Variants in LYRM4 observed in about 807,000 individuals in gnomAD.
LYRM4 encodes the protein LYR motif-containing protein 4.
In LYRM4, 9 loss-of-function variants were observed where a neutral mutation model predicts 11.7. The ratio of observed to expected loss-of-function variants is 0.77; its 90% CI spans 0.46 to 1.34. The LOEUF (loss-of-function observed/expected upper bound fraction) is 1.34. Ranked by LOEUF, LYRM4 falls within the 40% of genes most tolerant of loss-of-function variation. LYRM4 has a pLI of 0.00. For synonymous variants in LYRM4, 42 were observed against 40.4 expected (o/e 1.04, Z -0.15); for missense variants, 133 against 112.5 (o/e 1.18, Z -0.82).
In LYRM4 at chr6:5,245,092, A is replaced by T. The variant is rs1234011259; in HGVS notation, c.86+15556T>A. Among the ~76,000 whole-genome samples, 71 of 19,398 alleles carry T rather than the reference A, an allele frequency of 3.7e-3. 8 individuals are homozygous for T. Among genetic ancestry groups the T allele is most frequent in the African/African-American group, 0.013 (48 of 3,744 alleles). 12.7% of individuals were successfully genotyped at this position (19,398 alleles called of 152,430 possible). ...GACTTTATTTGCAGGAAGACCTTAA[A>T]AAAAAAAAAAAAAAAAAAAAAATAT... On this transcript the variant is annotated intron_variant, in intron 1 of 2. Coordinates refer to ENST00000330636, the MANE Select transcript of LYRM4 (RefSeq NM_020408.6).
chr6:5,057,713 TAA>T, the LYRM4 span, among the ~76,000 whole-genome samples: 1 of 128,624 alleles, frequency 7.8e-6, no homozygotes. Context: ...AGACTCCATC[TAA>T]AAAAAAAAAG....
chr6:5,079,526 C>T, the LYRM4 span, among the ~76,000 whole-genome samples: 1 of 152,236 alleles, frequency 6.6e-6, no homozygotes, highest in African/African-American at 2.4e-5. Context: ...TGTTCTGATC[C>T]CCTTCAATTC....
the LYRM4 span, among the ~76,000 whole-genome samples, chr6:5,052,617 G>A: frequency 6.6e-6 from 1 of 152,138 alleles, no homozygotes; most frequent in Non-Finnish European, 1.5e-5. Context: ...ACTTCAGGAA[G>A]GTAGTTTTAA....
At chr6:5,247,095 G>C (rs920124334) in intron 1 of LYRM4, among the ~76,000 whole-genome samples, 1 of 152,202 alleles carries the variant, frequency 6.6e-6, no homozygotes, top group African/African-American at 2.4e-5. Flanking sequence ...AGCGGGCAGA[G>C]CTTGTGAGCA....
At chr6:5,082,654 T>C in the LYRM4 span, among the ~76,000 whole-genome samples, 2 of 152,254 alleles carry the variant, frequency 1.3e-5, no homozygotes, top group Admixed American at 1.3e-4. Context: ...ACATTGTTTC[T>C]GTCCCCAGTA....
At chr6:5,151,781 G>C (rs1036055288) in intron 2 of LYRM4, among the ~76,000 whole-genome samples, 1 of 152,182 alleles carries the variant, frequency 6.6e-6, no homozygotes, top group East Asian at 1.9e-4. Flanking sequence ...CACCTCACCG[G>C]ATTACTGTCA....
At chr6:5,084,086 A>AT in the LYRM4 span, among the ~76,000 whole-genome samples, 4 of 152,198 alleles carry the variant, frequency 2.6e-5, no homozygotes, top group African/African-American at 7.2e-5. Context: ...CCTGGGCAGC[A>AT]TAGCAAGACC....
At chr6:5,066,794 C>A in the LYRM4 span, 1 of 738,598 alleles carries the variant, frequency 1.4e-6, no homozygotes, top group Non-Finnish European at 2.4e-6. Context: ...AGTTTAACAC[C>A]CTCCTTGGTG....
intron 2 of LYRM4, among the ~76,000 whole-genome samples, chr6:5,167,788 C>G (rs1437866672): frequency 6.6e-6 from 1 of 152,066 alleles, no homozygotes; most frequent in African/African-American, 2.4e-5. Context: ...TAGAGAAATA[C>G]ATTGCATTTT....
chr6:5,108,491 T>G lies in LYRM4; in HGVS notation c.*932A>C, dbSNP rs963351759. On this transcript the variant is annotated 3_prime_UTR_variant, in exon 3 of 3. Transcript: ENST00000330636. ...GCAGGGGTCCCCAGTTGGTTAAACA[T>G]TGAAAACAGTGGGAGAGCTTCAGAA... 14 of 871,676 alleles carry G rather than the reference T, an allele frequency of 1.6e-5. No homozygotes were observed. The South Asian group carries it at 7.4e-4, about 46-fold the overall frequency. The allele number at this position is 871,676 out of a possible 1,614,324, so 54.0% of individuals were successfully genotyped here. A position where few individuals can be genotyped will look rare whatever the true frequency, so the allele number is the denominator to read the frequency against.
chr6:5,155,339 C>A (rs1201536220), intron 2 of LYRM4, among the ~76,000 whole-genome samples: 1 of 152,140 alleles, frequency 6.6e-6, no homozygotes, highest in Non-Finnish European at 1.5e-5. Context: ...CCTTGGCCTC[C>A]CATTGTGGTG....
At position 5,260,650 on chromosome 6, in the gene LYRM4, G is replaced by A. The variant is rs1187176419; in HGVS notation, c.84C>T (p.Tyr28=). The change falls in exon 1 of 3, where the codon TAC becomes TAT. Residue 28 remains tyrosine, a splice_region_variant and synonymous_variant. Transcript: ENST00000330636. ...RESKRFSAYN[Y]RTYAVRRIRD... ...GCCCCCGGTGCCCGCTGGGTCACCT[G>A]TAATTGTAGGCGCTGAAACGCTTGC... 1 of 1,534,424 alleles carries A rather than the reference G, an allele frequency of 6.5e-7. No homozygotes were observed. Among genetic ancestry groups the A allele is most frequent in the Non-Finnish European group, 8.7e-7 (1 of 1,143,558 alleles).
the LYRM4 span, among the ~76,000 whole-genome samples, chr6:5,082,884 G>C: frequency 6.6e-6 from 1 of 150,866 alleles, no homozygotes; most frequent in Non-Finnish European, 1.5e-5. Context: ...CAGAGCCTCT[G>C]CGTGGCCCAG....
At chr6:5,093,753 A>T in the LYRM4 span, among the ~76,000 whole-genome samples, 102 of 152,356 alleles carry the variant, frequency 6.7e-4, no homozygotes, top group Non-Finnish European at 1.4e-3. Flanking sequence ...GTGCTGGCAG[A>T]GGTTTGGGAC....
the LYRM4 span, among the ~76,000 whole-genome samples, chr6:5,072,648 G>A: frequency 1.3e-5 from 2 of 150,348 alleles, no homozygotes; most frequent in Non-Finnish European, 2.9e-5. Context: ...GCACGATCTC[G>A]GCTCACTGCA....
chr6:5,033,922 C>T, the LYRM4 span: 1 of 152,306 alleles, frequency 6.6e-6, no homozygotes, highest in South Asian at 2.1e-4. Flanking sequence ...TAGTCCAAGG[C>T]ATCTGTTCCC....
At chr6:5,140,068 C>T (rs1427480441) in intron 2 of LYRM4, among the ~76,000 whole-genome samples, 2 of 151,804 alleles carry the variant, frequency 1.3e-5, no homozygotes, top group South Asian at 2.1e-4. Context: ...ACCCTGTCCT[C>T]CCCAAAATAC....
intron 1 of LYRM4, among the ~76,000 whole-genome samples, chr6:5,232,478 A>C (rs780306262): frequency 1.3e-5 from 2 of 152,260 alleles, no homozygotes; most frequent in Non-Finnish European, 2.9e-5. Context: ...TATACTTCAT[A>C]GTAGTGCAAA....
intron 2 of LYRM4, among the ~76,000 whole-genome samples, chr6:5,146,273 G>C (rs1757716107): frequency 6.6e-6 from 1 of 152,192 alleles, no homozygotes; most frequent in South Asian, 2.1e-4. Flanking sequence ...GTCCCTTATT[G>C]ATGCCCTGTC....
Sources: gnomAD v4.1 joint callset for allele counts (sites outside exome capture counted in the v4.1 genomes callset) on GRCh38, gnomAD v4.1.1 for gene constraint, MANE v1.5 for transcripts, NCBI Gene and HGNC (gene_info 2026-07-23, HGNC 2026-07-21) for gene names.